Variants in MAD1L1 observed in about 807,000 individuals in gnomAD.
The protein encoded by MAD1L1 is mitotic spindle assembly checkpoint protein MAD1.
MAD1L1 carries 95 observed loss-of-function variants against 96.9 expected under a neutral mutation model. The observed-to-expected ratio is 0.98, with a 90% CI of 0.83 to 1.16. The LOEUF is 1.16. Among genes scored for constraint, MAD1L1 ranks in the 50% most tolerant of loss-of-function variants. The probability of loss-of-function intolerance (pLI) is 0.00; values close to 1 mark genes in which losing one functional copy is unlikely to be tolerated. For synonymous variants in MAD1L1, 473 were observed against 396.6 expected, an observed-to-expected ratio of 1.19 and a Z score of -2.29; for missense variants, 1,007 against 954.4, an observed-to-expected ratio of 1.06 and a Z score of -0.73.
intron 17 of MAD1L1, among the ~76,000 whole-genome samples, chr7:1,915,416 G>A (rs1583770771): frequency 6.6e-6 from 1 of 152,294 alleles, no homozygotes; most frequent in African/African-American, 2.4e-5. Flanking sequence ...CGCGCTTCCC[G>A]GGACAGAAAG....
chr7:1,889,201 C>T (rs970862669), intron 18 of MAD1L1, among the ~76,000 whole-genome samples: 4 of 152,284 alleles, frequency 2.6e-5, no homozygotes, highest in African/African-American at 7.2e-5. Context: ...CAGAGGCAAG[C>T]GACATCCACA....
intron 10 of MAD1L1, among the ~76,000 whole-genome samples, chr7:2,191,288 G>A (rs931791185): frequency 1.2e-4 from 19 of 152,290 alleles, no homozygotes; most frequent in African/African-American, 4.3e-4. Context: ...CTAGGAAGTC[G>A]CAACAGGCAG....
chr7:1,822,443 T>TATATATATA (rs57772706), intron 18 of MAD1L1, among the ~76,000 whole-genome samples: 2,645 of 105,390 alleles, frequency 0.025, 45 homozygotes, highest in African/African-American at 0.057. Context: ...TATATATATA[T>TATATATATA]TTTTTTTTTT....
At chr7:1,880,271 G>C (rs1326891193) in intron 18 of MAD1L1, among the ~76,000 whole-genome samples, 1 of 152,156 alleles carries the variant, frequency 6.6e-6, no homozygotes, top group Non-Finnish European at 1.5e-5. Flanking sequence ...GATCCTACCT[G>C]TGGTGACCCA....
chr7:1,957,465 T>C (rs1779774089), intron 16 of MAD1L1, among the ~76,000 whole-genome samples, 164 bp downstream of exon 16: 1 of 152,140 alleles, frequency 6.6e-6, no homozygotes, highest in Non-Finnish European at 1.5e-5. Flanking sequence ...GTCAGCGGCA[T>C]GGCCTCCCTG....
chr7:1,956,562 T>C (rs1223607855), intron 16 of MAD1L1, among the ~76,000 whole-genome samples: 1 of 152,182 alleles, frequency 6.6e-6, no homozygotes, highest in Non-Finnish European at 1.5e-5. Flanking sequence ...TCTGAGCAGC[T>C]TCAGGACATG....
chr7:1,829,405 C>T (rs189514274), intron 18 of MAD1L1: 4 of 152,406 alleles, frequency 2.6e-5, no homozygotes, highest in Admixed American at 6.5e-5. Context: ...GGACCAAGCG[C>T]GGCAGCCCAA....
chr7:2,010,848 G>C (rs1782265795), intron 13 of MAD1L1, among the ~76,000 whole-genome samples: 1 of 152,210 alleles, frequency 6.6e-6, no homozygotes, highest in Admixed American at 6.5e-5. Context: ...GGCCGGGCAA[G>C]CTTCCAGGGA....
In MAD1L1 at chr7:2,091,401, T is replaced by C. The variant is rs1786205646; in HGVS notation, c.1074-22063A>G. 2.0e-5 allele frequency among the ~76,000 whole-genome samples: 3 copies of C among 152,252 alleles called. No homozygotes were observed. The South Asian group carries it at 6.2e-4, about 31-fold the overall frequency. On this transcript the variant is annotated intron_variant, in intron 11 of 18. Transcript: ENST00000265854. ...ATCTGCCTGCAGTTCCTTCTGAATC[T>C]GTCTACTTGTGTTGAGCCAGTCAGG... is the stretch of plus-strand genomic sequence containing the variant.
chr7:1,917,050 C>T (rs1227042549), intron 17 of MAD1L1, among the ~76,000 whole-genome samples: 2 of 152,200 alleles, frequency 1.3e-5, no homozygotes, highest in African/African-American at 2.4e-5. Context: ...CAGTTTTCCT[C>T]CTGCTTTTCC....
At chr7:1,971,263 C>G (rs1208962990) in intron 15 of MAD1L1, among the ~76,000 whole-genome samples, 1 of 152,204 alleles carries the variant, frequency 6.6e-6, no homozygotes, top group Non-Finnish European at 1.5e-5. Context: ...GTTGCCGTCA[C>G]CAGTAAGAAA....
At chr7:1,923,008 T>A (rs1439822104) in intron 17 of MAD1L1, among the ~76,000 whole-genome samples, 1 of 152,196 alleles carries the variant, frequency 6.6e-6, no homozygotes, top group Non-Finnish European at 1.5e-5. Flanking sequence ...GTTTTGAAGT[T>A]GGGGTAAATG....
chr7:1,907,992 G>T (rs564645935), intron 17 of MAD1L1, among the ~76,000 whole-genome samples: 1 of 152,354 alleles, frequency 6.6e-6, no homozygotes, highest in Admixed American at 6.5e-5. Flanking sequence ...CCAGAGCTCA[G>T]GAGTCCGGCC....
intron 12 of MAD1L1, among the ~76,000 whole-genome samples, chr7:2,019,899 C>T (rs995842598): frequency 6.6e-6 from 1 of 152,194 alleles, no homozygotes; most frequent in Non-Finnish European, 1.5e-5. Flanking sequence ...TGCCCCTAAA[C>T]GAGGTTTTTT....
intron 10 of MAD1L1, among the ~76,000 whole-genome samples, chr7:2,187,775 C>T (rs902678890): frequency 2.6e-5 from 4 of 152,174 alleles, no homozygotes; most frequent in Non-Finnish European, 5.9e-5. Context: ...TGAACTAGCC[C>T]TTTTTATGTA....
chr7:2,073,601 G>A (rs780493871), intron 11 of MAD1L1, among the ~76,000 whole-genome samples: 44 of 152,246 alleles, frequency 2.9e-4, no homozygotes, highest in Non-Finnish European at 5.4e-4. Flanking sequence ...GTGTCTGGCT[G>A]TCAAGCATCG....
At chr7:1,937,504 G>A (rs1778678266) in intron 16 of MAD1L1, among the ~76,000 whole-genome samples, 1 of 152,148 alleles carries the variant, frequency 6.6e-6, no homozygotes, top group African/African-American at 2.4e-5. Flanking sequence ...CTGCTGACCT[G>A]TGGTGGGTGA....
chr7:2,122,385 T>C (rs1490520435), intron 11 of MAD1L1, among the ~76,000 whole-genome samples: 1 of 152,116 alleles, frequency 6.6e-6, no homozygotes, highest in Admixed American at 6.5e-5. Flanking sequence ...CCTAAAAGTT[T>C]AGTAGGCCGA....
intron 3 of MAD1L1, among the ~76,000 whole-genome samples, chr7:2,228,660 C>T (rs568040030): frequency 3.3e-3 from 267 of 80,766 alleles, no homozygotes; most frequent in Middle Eastern, 5.7e-3. Flanking sequence ...TATACACACA[C>T]ACATATATAT....
Sources: allele counts gnomAD v4.1 joint callset (sites outside exome capture counted in the v4.1 genomes callset), GRCh38; gene constraint gnomAD v4.1.1; transcripts MANE v1.5; gene names NCBI Gene and HGNC (gene_info 2026-07-23, HGNC 2026-07-21).